Variants in ANTXR1 observed in about 807,000 individuals in gnomAD.
The protein encoded by ANTXR1 is anthrax toxin receptor 1.
Under a neutral mutation model 78.1 loss-of-function variants are expected in ANTXR1, and 19 were observed. That is an observed-to-expected ratio of 0.24 (90% CI 0.17 to 0.36). ANTXR1 has a LOEUF of 0.36. Among genes scored for constraint, ANTXR1 ranks in the 10% least tolerant of loss-of-function variants. ANTXR1 has a pLI of 1.00. For missense variants in ANTXR1, 518 were observed against 718.6 expected (o/e 0.72, Z 3.19); for synonymous variants, 273 against 260.5 (o/e 1.05, Z -0.46).
chr2:69,154,282 G>A (rs1673470691), intron 13 of ANTXR1, among the ~76,000 whole-genome samples: 1 of 152,184 alleles, frequency 6.6e-6, no homozygotes, highest in Admixed American at 6.5e-5. Flanking sequence ...ATTTCTTTAT[G>A]AGGGTTGATC....
intron 1 of ANTXR1, among the ~76,000 whole-genome samples, chr2:69,031,064 T>C (rs1399231124): frequency 6.6e-6 from 1 of 152,100 alleles, no homozygotes; most frequent in Non-Finnish European, 1.5e-5. Flanking sequence ...AAAAGCAGAG[T>C]TGAGTAGTTG....
intron 1 of ANTXR1, among the ~76,000 whole-genome samples, chr2:69,027,638 GTA>G (rs531952948): frequency 0.071 from 9,433 of 133,494 alleles, 587 homozygotes; most frequent in East Asian, 0.29. Context: ...GTGTGTGTGT[GTA>G]TGTGTGTGTG....
chr2:69,037,929 A>G (rs1250020464), intron 1 of ANTXR1, among the ~76,000 whole-genome samples: 1 of 152,004 alleles, frequency 6.6e-6, no homozygotes, highest in Non-Finnish European at 1.5e-5. Context: ...CCATCTCCCC[A>G]GCTCCTCACC....
chr2:69,221,631 G>C (rs1032870364), intron 17 of ANTXR1, among the ~76,000 whole-genome samples: 3 of 149,716 alleles, frequency 2.0e-5, no homozygotes, highest in Non-Finnish European at 2.9e-5. Flanking sequence ...CAACCAGAGA[G>C]AGACTCTCAG....
At chr2:69,153,096 G>A (rs145792036) in intron 13 of ANTXR1, among the ~76,000 whole-genome samples, 4 of 152,342 alleles carry the variant, frequency 2.6e-5, no homozygotes, top group Non-Finnish European at 5.9e-5. Flanking sequence ...AGTGTGTGCT[G>A]TGAAGCCCAT....
At chr2:69,210,702 G>A (rs559005130) in intron 17 of ANTXR1, among the ~76,000 whole-genome samples, 4 of 152,260 alleles carry the variant, frequency 2.6e-5, no homozygotes, top group African/African-American at 7.2e-5. Context: ...TTCAGAGGCC[G>A]ACAGGGGTGG....
At chr2:69,151,186 CTTT>C (rs59147668) in intron 12 of ANTXR1, among the ~76,000 whole-genome samples, 1 of 82,562 alleles carries the variant, frequency 1.2e-5, no homozygotes, top group Non-Finnish European at 2.2e-5. Flanking sequence ...TGATTATTTT[CTTT>C]TTTTTTTTTT....
chr2:69,182,308 C>T lies in ANTXR1; in HGVS notation c.1186-185C>T, dbSNP rs140982643. ...AAATATCCACCCATGTGGCTCAGCT[C>T]TCTGCTCCTTTGGTCCTCCCCTTTT... On this transcript the variant is annotated intron_variant, in intron 15 of 17. Transcript: ENST00000303714. Among the ~76,000 whole-genome samples the T allele has an allele frequency of 1.5e-3, 223 of 152,342 alleles. 1 individual carries two copies. The highest frequency in any genetic ancestry group is 4.9e-3 in the African/African-American group (204 of 41,574).
intron 1 of ANTXR1, among the ~76,000 whole-genome samples, chr2:69,038,892 G>A (rs1158211904): frequency 1.3e-5 from 2 of 152,160 alleles, no homozygotes; most frequent in Admixed American, 1.3e-4. Context: ...CGATCAGAAT[G>A]AGAATTCTTC....
At chr2:69,052,804 G>C (rs973216109) in intron 3 of ANTXR1, among the ~76,000 whole-genome samples, 1 of 151,904 alleles carries the variant, frequency 6.6e-6, no homozygotes, top group Non-Finnish European at 1.5e-5. Flanking sequence ...TGACATCTGA[G>C]AGAATGTTTC....
At chr2:69,215,681 C>T (rs1675157474) in intron 17 of ANTXR1, among the ~76,000 whole-genome samples, 1 of 152,186 alleles carries the variant, frequency 6.6e-6, no homozygotes, top group African/African-American at 2.4e-5. Context: ...TATTTGCCCC[C>T]AGTAGAGTCT....
At chr2:69,159,491 A>G (rs1673620441) in intron 13 of ANTXR1, among the ~76,000 whole-genome samples, 1 of 152,174 alleles carries the variant, frequency 6.6e-6, no homozygotes, top group Non-Finnish European at 1.5e-5. Flanking sequence ...CTTAAAAATA[A>G]TTAAGATAAT....
chr2:69,150,227 T>C (rs1228204796), intron 12 of ANTXR1, among the ~76,000 whole-genome samples: 1 of 152,242 alleles, frequency 6.6e-6, no homozygotes, highest in Non-Finnish European at 1.5e-5. Context: ...ATTCACCTGC[T>C]GTGTTACCCT....
At chr2:69,120,387 C>T (rs1028325968) in intron 10 of ANTXR1, among the ~76,000 whole-genome samples, 6 of 152,118 alleles carry the variant, frequency 3.9e-5, no homozygotes, top group African/African-American at 9.7e-5. Flanking sequence ...ATGCTTGGGC[C>T]GGGTGCGGTG....
intron 17 of ANTXR1, among the ~76,000 whole-genome samples, chr2:69,242,519 C>T (rs1277073349): frequency 3.3e-5 from 5 of 152,262 alleles, no homozygotes; most frequent in Admixed American, 6.5e-5. Context: ...CATGAGCTTC[C>T]GGATTCATTA....
chr2:69,229,294 A>C (rs550589939), intron 17 of ANTXR1, among the ~76,000 whole-genome samples: 9 of 152,224 alleles, frequency 5.9e-5, no homozygotes, highest in Admixed American at 1.3e-4. Context: ...TTTTGGGGAA[A>C]AGGTGTTGAC....
At position 69,171,057 on chromosome 2, in the gene ANTXR1, T is replaced by A. The variant is rs143185047; in HGVS notation, c.1089+768T>A. Among the ~76,000 whole-genome samples, 5 of 152,338 alleles carry A rather than the reference T, an allele frequency of 3.3e-5. No individual in the cohort carries two copies. In the East Asian group the frequency reaches 5.8e-4, roughly 18 times the overall value. On this transcript the variant is annotated intron_variant, in intron 14 of 17. Coordinates refer to ENST00000303714, the MANE Select transcript of ANTXR1 (RefSeq NM_032208.3). ...CATTCAGAAGCCAGGGTTACATATCTAAACACTCAATGAGACCAAAAGATA... is the reference window on the plus strand; with the variant it reads ...CATTCAGAAGCCAGGGTTACATATCAAAACACTCAATGAGACCAAAAGATA...
intron 7 of ANTXR1, among the ~76,000 whole-genome samples, chr2:69,076,068 C>A (rs1335388407): frequency 1.3e-5 from 2 of 152,200 alleles, no homozygotes; most frequent in African/African-American, 4.8e-5. Flanking sequence ...GCCTCAGCCT[C>A]CTGATTAGCT....
At chr2:69,183,010 G>A (rs912672361) in intron 16 of ANTXR1, 2 of 281,092 alleles carry the variant, frequency 7.1e-6, no homozygotes, top group South Asian at 8.0e-5. Flanking sequence ...CCATGGCAAG[G>A]TACTGGAAAA....
Sources: allele counts gnomAD v4.1 joint callset (sites outside exome capture counted in the v4.1 genomes callset), GRCh38; gene constraint gnomAD v4.1.1; transcripts MANE v1.5; gene names NCBI Gene and HGNC (gene_info 2026-07-23, HGNC 2026-07-21).